Variants in FBXO42 observed in about 807,000 individuals in gnomAD.
FBXO42 encodes the protein F-box only protein 42.
A neutral mutation model predicts 71.7 loss-of-function variants in FBXO42; 12 were observed. The ratio of observed to expected loss-of-function variants is 0.17; its 90% confidence interval spans 0.11 to 0.27. FBXO42 has a LOEUF of 0.27. Among genes scored for constraint, FBXO42 ranks in the 10% least tolerant of loss-of-function variants. The probability of loss-of-function intolerance (pLI) is 1.00; values close to 1 mark genes in which losing one functional copy is unlikely to be tolerated. For synonymous variants in FBXO42, 325 were observed against 327.5 expected, an observed-to-expected ratio of 0.99 and a Z score of 0.08; for missense variants, 707 against 911.9, an observed-to-expected ratio of 0.78 and a Z score of 2.89.
At chr1:16,304,448 C>A (rs114141663) in intron 3 of FBXO42, among the ~76,000 whole-genome samples, 1 of 152,052 alleles carries the variant, frequency 6.6e-6, no homozygotes, top group Non-Finnish European at 1.5e-5. Flanking sequence ...CGACACTTGT[C>A]ACATTCAAAA....
At chr1:16,308,584 C>T (rs558459998) in intron 2 of FBXO42, among the ~76,000 whole-genome samples, 26 of 150,566 alleles carry the variant, frequency 1.7e-4, no homozygotes, top group African/African-American at 6.1e-4. Context: ...ACCACAATCT[C>T]TGCCTCCTGA....
At chr1:16,323,029 C>T (rs74055522) in intron 1 of FBXO42, among the ~76,000 whole-genome samples, 4,051 of 152,304 alleles carry the variant, frequency 0.027, 185 homozygotes, top group African/African-American at 0.09. Context: ...GTGGTAAACA[C>T]ATCTTTATTA....
chr1:16,308,496 T>C (rs77291779), intron 2 of FBXO42, among the ~76,000 whole-genome samples: 3,139 of 135,782 alleles, frequency 0.023, 119 homozygotes, highest in African/African-American at 0.085. Context: ...CCATCTCTCT[T>C]TTTTTTTTTT....
At chr1:16,334,659 C>T (rs1454501916) in intron 1 of FBXO42, among the ~76,000 whole-genome samples, 1 of 152,120 alleles carries the variant, frequency 6.6e-6, no homozygotes, top group Non-Finnish European at 1.5e-5. Context: ...TTCCCGACAA[C>T]ACAATAACAT....
chr1:16,339,023 T>C (rs2082578750), intron 1 of FBXO42, among the ~76,000 whole-genome samples: 1 of 151,780 alleles, frequency 6.6e-6, no homozygotes, highest in African/African-American at 2.4e-5. Context: ...GTTGGCCAGG[T>C]GGTCTCAAAT....
At chr1:16,300,014 T>C (rs1375438333) in intron 3 of FBXO42, among the ~76,000 whole-genome samples, 7 of 152,152 alleles carry the variant, frequency 4.6e-5, no homozygotes, top group Admixed American at 3.9e-4. Flanking sequence ...AAGACACCTA[T>C]AGATTGATCT....
chr1:16,338,855 G>A (rs959249418), intron 1 of FBXO42, among the ~76,000 whole-genome samples: 1 of 125,472 alleles, frequency 8.0e-6, no homozygotes, highest in African/African-American at 3.0e-5. Context: ...CTTTTCCCCA[G>A]GCTGGAGTGC....
At chr1:16,257,194 C>A (rs531874932) in intron 4 of FBXO42, among the ~76,000 whole-genome samples, 1 of 152,112 alleles carries the variant, frequency 6.6e-6, no homozygotes, top group South Asian at 2.1e-4. Context: ...TGTAGAGGAC[C>A]AGGGAGAAGT....
At chr1:16,265,751 TG>T (rs2081764620) in intron 4 of FBXO42, among the ~76,000 whole-genome samples, 1 of 151,356 alleles carries the variant, frequency 6.6e-6, no homozygotes, top group African/African-American at 2.4e-5. Flanking sequence ...CCCTTGTCCT[TG>T]GAAGTTTAGG....
chr1:16,323,840 A>G, intron 1 of FBXO42, among the ~76,000 whole-genome samples: 1 of 149,300 alleles, frequency 6.7e-6, no homozygotes. Context: ...AAGAAGGAGG[A>G]GCAGAGAAAA....
intron 4 of FBXO42, among the ~76,000 whole-genome samples, chr1:16,291,014 A>G (rs555511597): frequency 6.6e-6 from 1 of 152,044 alleles, no homozygotes; most frequent in South Asian, 2.1e-4. Flanking sequence ...AAGACTCTCC[A>G]CTCCCAACCA....
chr1:16,282,218 TTC>T (rs1230847930), intron 4 of FBXO42, among the ~76,000 whole-genome samples: 1 of 126,544 alleles, frequency 7.9e-6, no homozygotes, highest in Non-Finnish European at 1.7e-5. Flanking sequence ...CTGAGACATT[TTC>T]TTTTTTTTTT....
chr1:16,295,187 A>C lies in FBXO42; in HGVS notation c.368-270T>G, dbSNP rs112626329. On this transcript the variant is annotated intron_variant, in intron 3 of 9. Coordinates refer to ENST00000375592, the MANE Select transcript of FBXO42 (RefSeq NM_018994.3). ...AGTGTAAGTCCAGCAAGAACACATA[A>C]TAATTCACATTAAAGGTGCTCAAAT... Among the ~76,000 whole-genome samples the C allele has an allele frequency of 6.1e-3, 932 of 152,308 alleles. 11 individuals carry two copies. The highest frequency in any genetic ancestry group is 0.021 in the African/African-American group (884 of 41,558).
intron 1 of FBXO42, among the ~76,000 whole-genome samples, chr1:16,340,022 A>G (rs144701082): frequency 0.024 from 3,579 of 152,122 alleles, 141 homozygotes; most frequent in African/African-American, 0.081. Flanking sequence ...CTAAAAATAC[A>G]AAAAATTAGC....
intron 1 of FBXO42, among the ~76,000 whole-genome samples, chr1:16,343,790 T>C (rs1300771297): frequency 1.3e-5 from 2 of 149,946 alleles, no homozygotes; most frequent in African/African-American, 2.5e-5. Flanking sequence ...GCCATTGTAC[T>C]TCAGCCTGGG....
chr1:16,330,008 T>C (rs1415938274), intron 1 of FBXO42, among the ~76,000 whole-genome samples: 6 of 152,172 alleles, frequency 3.9e-5, no homozygotes, highest in Admixed American at 2.6e-4. Context: ...AATTCGTGTA[T>C]GTACGTTTTC....
intron 4 of FBXO42, among the ~76,000 whole-genome samples, chr1:16,263,050 G>A (rs2081731941): frequency 6.6e-6 from 1 of 152,074 alleles, no homozygotes; most frequent in South Asian, 2.1e-4. Flanking sequence ...AGCCAAAGTG[G>A]AGTTCTGGAA....
chr1:16,320,099 C>T (rs1035120956), intron 1 of FBXO42, among the ~76,000 whole-genome samples: 10 of 151,876 alleles, frequency 6.6e-5, no homozygotes, highest in Non-Finnish European at 1.3e-4. Context: ...GTGGCTCACG[C>T]GTGTAATCCC....
intron 1 of FBXO42, among the ~76,000 whole-genome samples, chr1:16,325,466 G>T (rs1236806931): frequency 6.6e-6 from 1 of 151,924 alleles, no homozygotes; most frequent in East Asian, 1.9e-4. Context: ...AGCAAACTGT[G>T]AGCTATTATG....
Sources: gnomAD v4.1 joint callset for allele counts (sites outside exome capture counted in the v4.1 genomes callset) on GRCh38, gnomAD v4.1.1 for gene constraint, MANE v1.5 for transcripts, NCBI Gene and HGNC (gene_info 2026-07-23, HGNC 2026-07-21) for gene names.